Variants in CHP1 observed in about 807,000 individuals in gnomAD.
CHP1 encodes the protein calcineurin like EF-hand protein 1.
Under a neutral mutation model 27.4 loss-of-function variants are expected in CHP1, and 11 were observed. That is an observed-to-expected ratio of 0.40 (90% CI 0.25 to 0.67). CHP1 has a LOEUF of 0.67. CHP1 is among the 30% of genes least tolerant of loss of function. The probability of loss-of-function intolerance (pLI) is 0.38; values close to 1 mark genes in which losing one functional copy is unlikely to be tolerated. For synonymous variants in CHP1, 89 were observed against 87.4 expected (o/e 1.02, Z -0.10); for missense variants, 169 against 251.3 (o/e 0.67, Z 2.22).
At chr15:41,258,131 C>CATAT (rs1567008290) in intron 3 of CHP1, among the ~76,000 whole-genome samples, 4 of 151,408 alleles carry the variant, frequency 2.6e-5, no homozygotes, top group Non-Finnish European at 5.9e-5. Context: ...CATACATACA[C>CATAT]ATACATACAT....
chr15:41,243,696 A>T lies in CHP1; in HGVS notation c.97A>T (p.Ser33Cys). The change falls in exon 2 of 7, where the codon AGC becomes TGC. Residue 33 changes from serine to cysteine, a missense_variant. Physicochemically the swap from Ser to Cys is moderately radical, Grantham distance 112. Coordinates refer to ENST00000334660, the MANE Select transcript of CHP1 (RefSeq NM_007236.5). ...FSHSQITRLY[S>C]RFTSLDKGEN... ...CCACAGTCAAATCACTCGCCTCTAC[A>T]GCCGGTTCACCAGCCTGGACAAAGG... 2 of 1,614,100 alleles carry T rather than the reference A, an allele frequency of 1.2e-6. No homozygotes were observed. Among genetic ancestry groups the T allele is most frequent in the Non-Finnish European group, 1.7e-6 (2 of 1,179,996 alleles).
chr15:41,237,715 G>A (rs2047284614), intron 1 of CHP1, among the ~76,000 whole-genome samples: 1 of 151,982 alleles, frequency 6.6e-6, no homozygotes, highest in Non-Finnish European at 1.5e-5. Context: ...TAAAGGCAAG[G>A]ACAAAATAAC....
intron 1 of CHP1, among the ~76,000 whole-genome samples, chr15:41,233,258 A>T (rs1310685094): frequency 6.6e-6 from 1 of 152,232 alleles, no homozygotes; most frequent in Non-Finnish European, 1.5e-5. Flanking sequence ...TCACATGGAG[A>T]AATAAGCAGA....
At chr15:41,245,059 A>G (rs1001578747) in intron 2 of CHP1, among the ~76,000 whole-genome samples, 2 of 152,160 alleles carry the variant, frequency 1.3e-5, no homozygotes, top group Admixed American at 6.5e-5. Flanking sequence ...AAGCATACCT[A>G]TTAAGCATAC....
intron 1 of CHP1, among the ~76,000 whole-genome samples, chr15:41,238,328 T>TTGAC (rs2047288372): frequency 6.6e-6 from 1 of 151,806 alleles, no homozygotes; most frequent in African/African-American, 2.4e-5. Flanking sequence ...CAGCTAATGA[T>TTGAC]TGATTGATTG....
At chr15:41,256,010 CTG>C (rs2047398702) in intron 2 of CHP1, among the ~76,000 whole-genome samples, 1 of 151,928 alleles carries the variant, frequency 6.6e-6, no homozygotes, top group African/African-American at 2.4e-5. Flanking sequence ...GAGCAAGACT[CTG>C]TCTCAAAAAA....
chr15:41,254,919 CT>C (rs1210011691), intron 2 of CHP1, among the ~76,000 whole-genome samples: 5 of 151,990 alleles, frequency 3.3e-5, no homozygotes. Flanking sequence ...AGTTTATAAT[CT>C]TTTTTTTAAC....
At chr15:41,263,112 A>G (rs2047441842) in intron 4 of CHP1, among the ~76,000 whole-genome samples, 1 of 152,216 alleles carries the variant, frequency 6.6e-6, no homozygotes, top group South Asian at 2.1e-4. Flanking sequence ...TCTGTAAAAT[A>G]GGATACTAAG....
chr15:41,248,831 C>G (rs1379567085), intron 2 of CHP1, among the ~76,000 whole-genome samples: 1 of 152,188 alleles, frequency 6.6e-6, no homozygotes, highest in Admixed American at 6.5e-5. Context: ...ACATAATGTG[C>G]CACATAGTAA....
intron 4 of CHP1, chr15:41,264,117 C>A: frequency 2.0e-6 from 2 of 995,538 alleles, no homozygotes; most frequent in Non-Finnish European, 2.8e-6. Context: ...CACATGGCAG[C>A]TCTCAGTTGT....
At chr15:41,243,823 A>G in intron 2 of CHP1, 84 bp downstream of exon 2, 1 of 1,048,306 alleles carries the variant, frequency 9.5e-7, no homozygotes, top group East Asian at 2.5e-5. Context: ...TCCCTAGGGT[A>G]GACATGATAG....
intron 4 of CHP1, 96 bp downstream of exon 4, chr15:41,262,979 A>G: frequency 6.1e-6 from 9 of 1,481,780 alleles, no homozygotes; most frequent in Non-Finnish European, 8.3e-6. Context: ...CATCTACAAG[A>G]GCATACTGGT....
At chr15:41,269,516 T>C (rs1489520256) in intron 4 of CHP1, among the ~76,000 whole-genome samples, 1 of 152,162 alleles carries the variant, frequency 6.6e-6, no homozygotes, top group East Asian at 1.9e-4. Context: ...CTTGTTCAAA[T>C]GTTACCTCTC....
At chr15:41,270,520 A>G in intron 4 of CHP1, 37 bp from the exon 5 acceptor site, 4 of 1,539,882 alleles carry the variant, frequency 2.6e-6, no homozygotes, top group African/African-American at 2.7e-5. Context: ...GCAACACACT[A>G]CAGAATTTTG....
chr15:41,257,691 T>C (rs1247544332), intron 3 of CHP1, among the ~76,000 whole-genome samples: 1 of 151,212 alleles, frequency 6.6e-6, no homozygotes, highest in Non-Finnish European at 1.5e-5. Context: ...TCCGAGATAG[T>C]TGGGATTACA....
At chr15:41,275,966 C>A (rs927129123) in intron 5 of CHP1, among the ~76,000 whole-genome samples, 1 of 152,098 alleles carries the variant, frequency 6.6e-6, no homozygotes, top group African/African-American at 2.4e-5. Context: ...ACAGGCCGGG[C>A]GCAGTGGCTC....
At chr15:41,262,494 T>A (rs540985972) in intron 3 of CHP1, among the ~76,000 whole-genome samples, 2 of 152,178 alleles carry the variant, frequency 1.3e-5, no homozygotes, top group Non-Finnish European at 2.9e-5. Context: ...ATTCAATAGA[T>A]AACTTTATCC....
intron 1 of CHP1, among the ~76,000 whole-genome samples, chr15:41,240,823 G>T (rs1045399900): frequency 1.9e-4 from 27 of 144,894 alleles, no homozygotes; most frequent in African/African-American, 6.2e-4. Context: ...AACAAATTTT[G>T]TTTTTTTCAA....
At position 41,231,415 on chromosome 15, in the gene CHP1, C is replaced by T. The variant is rs749095505; in HGVS notation, c.33C>T (p.Asp11=). 5.0e-6 allele frequency: 8 copies of T among 1,604,966 alleles called. No individual in the cohort carries two copies. The highest frequency in any genetic ancestry group is 2.7e-5 in the African/African-American group (2 of 74,844). MGSRASTLLR[D]EELEEIKKET... is the part of the protein sequence containing the mutation. ...CTCGGGCCTCCACGTTACTGCGGGA[C>T]GAAGAGCTCGAGGAGATCAAGAAGG... Residue 11 remains aspartate (D), a synonymous_variant, in exon 1 of 7, where the codon GAC becomes GAT. Coordinates refer to ENST00000334660, the MANE Select transcript of CHP1 (RefSeq NM_007236.5).
Sources: allele counts gnomAD v4.1 joint callset (sites outside exome capture counted in the v4.1 genomes callset), GRCh38; gene constraint gnomAD v4.1.1; transcripts MANE v1.5; gene names NCBI Gene and HGNC (gene_info 2026-07-23, HGNC 2026-07-21).